LMO3: variants seen among roughly 807,000 people sequenced by gnomAD.
LMO3 encodes the protein LIM domain only protein 3.
In LMO3, 2 loss-of-function variants were observed where a neutral mutation model predicts 15.8. The observed-to-expected ratio is 0.13, with a 90% confidence interval of 0.05 to 0.40. The LOEUF (loss-of-function observed/expected upper bound fraction) is 0.40, where lower values mean the gene tolerates loss of function less well. LMO3 is among the 10% of genes least tolerant of loss of function. LMO3 has a pLI of 0.99. For missense variants in LMO3, 86 were observed against 182.2 expected (o/e 0.47, Z 3.04); for synonymous variants, 62 against 63.8 (o/e 0.97, Z 0.13).
rs1943273485 is a variant in LMO3, at chr12:16,584,996, T to C, written c.206+15659A>G. On this transcript the variant is annotated intron_variant, in intron 2 of 3. Transcript: ENST00000537304. The surrounding 1 kb of genome is among the most constrained non-coding windows in gnomAD (Gnocchi z 5.2). The stretch of plus-strand genomic sequence containing the variant: ...TACATACTAGTAGCTGTGTGCCACA[T>C]TAGAGTTAGTTGCCAATGTCTTATA... Among the ~76,000 whole-genome samples the C allele has an allele frequency of 6.6e-6, 1 of 152,188 alleles. No individual in the cohort carries two copies. Among genetic ancestry groups the C allele is most frequent in the African/African-American group, 2.4e-5 (1 of 41,444 alleles).
At position 16,605,226 on chromosome 12, in the gene LMO3, G is replaced by A; in HGVS notation, c.-9+840C>T. 2.3e-6 allele frequency: 3 copies of A among 1,298,342 alleles called. No individual in the cohort carries two copies. In the Admixed American group the frequency reaches 1.1e-4, roughly 46 times the overall value. 80.4% of individuals were successfully genotyped at this position (1,298,342 alleles called of 1,614,324 possible). ...CCCTTTTAGCTTCCTGGTAACAAAT[G>A]GATTTGATTAAACTGTCACATGCAG... On this transcript the variant is annotated intron_variant, in intron 1 of 3. Coordinates refer to ENST00000537304, the MANE Select transcript of LMO3 (RefSeq NM_018640.5).
chr12:16,568,939 G>C (rs1371690918), intron 2 of LMO3, among the ~76,000 whole-genome samples: 1 of 152,130 alleles, frequency 6.6e-6, no homozygotes, highest in African/African-American at 2.4e-5. Context: ...ATACAGGCCA[G>C]AGACATTTTT....
intron 3 of LMO3, among the ~76,000 whole-genome samples, chr12:16,556,561 C>T (rs1942197444): frequency 6.6e-6 from 1 of 152,116 alleles, no homozygotes; most frequent in African/African-American, 2.4e-5. Context: ...CGCGTAATTC[C>T]ACAACTTTAG....
intron 2 of LMO3, among the ~76,000 whole-genome samples, chr12:16,570,366 C>A (rs150498631): frequency 4.6e-5 from 7 of 151,946 alleles, no homozygotes; most frequent in African/African-American, 1.2e-4. Flanking sequence ...TAAAAGTGAA[C>A]AAGAAATTAA....
intron 2 of LMO3, among the ~76,000 whole-genome samples, chr12:16,581,475 A>T (rs1189466555): frequency 6.6e-6 from 1 of 152,196 alleles, no homozygotes; most frequent in African/African-American, 2.4e-5. Context: ...AAAATATAAG[A>T]TACATAAAGG....
At chr12:16,583,333 TA>T (rs1324267079) in intron 2 of LMO3, among the ~76,000 whole-genome samples, 2 of 151,660 alleles carry the variant, frequency 1.3e-5, no homozygotes, top group African/African-American at 2.4e-5. Context: ...AATTAGACAA[TA>T]GGGGAATTGA....
chr12:16,556,094 G>T (rs1942179221), intron 3 of LMO3, among the ~76,000 whole-genome samples: 1 of 151,944 alleles, frequency 6.6e-6, no homozygotes, highest in Non-Finnish European at 1.5e-5. Context: ...CTAGCACAGT[G>T]CTTTATTCTT....
rs372034429 is a variant in LMO3, at chr12:16,604,896, A to T, written c.-9+1170T>A. 1.3e-6 allele frequency: 2 copies of T among 1,598,326 alleles called. No individual in the cohort carries two copies. Among genetic ancestry groups the T allele is most frequent in the Non-Finnish European group, 1.7e-6 (2 of 1,179,810 alleles). Reference sequence around the variant, plus strand: ...TTTTCTCCTTTTTCTGCATGAGTTGACTTAGGCGTGTCTGAGTTGCAGCAG... The same window carrying T: ...TTTTCTCCTTTTTCTGCATGAGTTGTCTTAGGCGTGTCTGAGTTGCAGCAG... On this transcript the variant is annotated intron_variant, in intron 1 of 3. Coordinates refer to ENST00000537304, the MANE Select transcript of LMO3 (RefSeq NM_018640.5). The surrounding 1 kb of genome is among the most constrained non-coding windows in gnomAD (Gnocchi z 5.3).
chr12:16,574,070 G>A (rs1319371244), intron 2 of LMO3: 2 of 152,138 alleles, frequency 1.3e-5, no homozygotes, highest in African/African-American at 4.8e-5. Context: ...TGGACCTGCA[G>A]CTTACCTGAT....
rs532491620 is a variant in LMO3 at position 16,585,955 on chromosome 12, C to A, written c.206+14700G>T. On this transcript the variant is annotated intron_variant, in intron 2 of 3. Transcript: ENST00000537304. This position sits in a 1 kb window ranked among gnomAD's most constrained non-coding sequence, Gnocchi z 4.7. Reference sequence around the variant, plus strand: ...TCTGGGCGACATTTCACCAGTGAGGCGGTAGGACATTGTGTGATACAGTAA... The same window carrying A: ...TCTGGGCGACATTTCACCAGTGAGGAGGTAGGACATTGTGTGATACAGTAA... Among the ~76,000 whole-genome samples the A allele has an allele frequency of 2.0e-5, 3 of 152,196 alleles. No homozygotes were observed. The highest frequency in any genetic ancestry group is 1.9e-4 in the East Asian group (1 of 5,170).
chr12:16,562,819 G>A (rs910974524), intron 2 of LMO3, among the ~76,000 whole-genome samples: 1 of 152,190 alleles, frequency 6.6e-6, no homozygotes, highest in Non-Finnish European at 1.5e-5. Context: ...CCTTGGAATG[G>A]TCCGAGTCTC....
upstream of LMO3, chr12:16,608,017 AG>A (rs1944058537): frequency 6.6e-6 from 1 of 152,198 alleles, no homozygotes; most frequent in African/African-American, 2.4e-5. The surrounding 1 kb of genome is among the most constrained non-coding windows in gnomAD (Gnocchi z 4.1). Flanking sequence ...AGATTTCTTA[AG>A]TTTGGCTTTT....
chr12:16,590,690 G>T (rs1943465946), intron 2 of LMO3, among the ~76,000 whole-genome samples: 1 of 151,972 alleles, frequency 6.6e-6, no homozygotes, highest in African/African-American at 2.4e-5. Context: ...TGTGTTGGCA[G>T]TCCTAGCTCA....
At chr12:16,610,160 C>A (rs1944095689), upstream of LMO3, 1 of 152,216 alleles carries the variant, frequency 6.6e-6, no homozygotes, top group African/African-American at 2.4e-5. Context: ...TCTTCCCGAA[C>A]TGCATACAAA....
rs556213227 is a variant in LMO3 at position 16,596,024 on chromosome 12, A to C, written c.206+4631T>G. ...AATTGCCAGATAAAATAATATTAAC[A>C]ACATATTCCTATTTACCTTTACACT... On this transcript the variant is annotated intron_variant, in intron 2 of 3. Transcript: ENST00000537304. The surrounding 1 kb of genome is among the most constrained non-coding windows in gnomAD (Gnocchi z 4.3). Among the ~76,000 whole-genome samples the C allele has an allele frequency of 6.6e-6, 1 of 151,612 alleles. No individual in the cohort carries two copies. The highest frequency in any genetic ancestry group is 1.5e-5 in the Non-Finnish European group (1 of 67,518).
At chr12:16,568,525 G>C (rs543644338) in intron 2 of LMO3, among the ~76,000 whole-genome samples, 55 of 152,214 alleles carry the variant, frequency 3.6e-4, no homozygotes, top group Non-Finnish European at 5.9e-5. Context: ...ATGACTACTT[G>C]ACATGTAGTG....
intron 2 of LMO3, among the ~76,000 whole-genome samples, chr12:16,583,236 A>G (rs1005834733): frequency 6.6e-6 from 1 of 152,168 alleles, no homozygotes; most frequent in Non-Finnish European, 1.5e-5. Flanking sequence ...GGTGAGAGAC[A>G]GAAGCCAGAT....
chr12:16,565,854 C>T (rs925503125), intron 2 of LMO3, among the ~76,000 whole-genome samples: 6 of 150,696 alleles, frequency 4.0e-5, no homozygotes, highest in Admixed American at 1.3e-4. Flanking sequence ...TTAAAAATCC[C>T]ACTACTGGAA....
At position 16,593,569 on chromosome 12, in the gene LMO3, T is replaced by TA. The variant is rs1260591764; in HGVS notation, c.206+7085dup. On this transcript the variant is annotated intron_variant, in intron 2 of 3. Transcript: ENST00000537304. The surrounding 1 kb of genome is among the most constrained non-coding windows in gnomAD (Gnocchi z 4.2). Reference sequence around the variant, plus strand: ...AAATACTGTTGAGAAGAAAAAGGTTTATCAAGAAGATTTCATAATACAGCA... The same window carrying TA: ...AAATACTGTTGAGAAGAAAAAGGTTTAATCAAGAAGATTTCATAATACAGCA... 6.6e-6 allele frequency among the ~76,000 whole-genome samples: 1 copy of TA among 151,792 alleles called. No homozygotes were observed. The highest frequency in any genetic ancestry group is 1.5e-5 in the Non-Finnish European group (1 of 67,784).
Sources: allele counts gnomAD v4.1 joint callset (sites outside exome capture counted in the v4.1 genomes callset), GRCh38; gene constraint gnomAD v4.1.1; non-coding constraint Gnocchi (gnomAD v3.1); transcripts MANE v1.5; gene names NCBI Gene and HGNC (gene_info 2026-07-23, HGNC 2026-07-21).